Variants in AKAP6 observed in about 807,000 individuals in gnomAD.
AKAP6 encodes A-kinase anchoring protein 6.
A neutral mutation model predicts 188.5 loss-of-function variants in AKAP6; 58 were observed. The observed-to-expected ratio is 0.31, with a 90% CI of 0.25 to 0.38. The LOEUF (loss-of-function observed/expected upper bound fraction) is 0.38. Among genes scored for constraint, AKAP6 ranks in the 10% least tolerant of loss-of-function variants. The pLI, the probability that AKAP6 is intolerant of heterozygous loss-of-function variation, is 1.00. For synonymous variants in AKAP6, 989 were observed against 998.6 expected, an observed-to-expected ratio of 0.99 and a Z score of 0.18; for missense variants, 2,710 against 2,740.0, an observed-to-expected ratio of 0.99 and a Z score of 0.24.
intron 4 of AKAP6, among the ~76,000 whole-genome samples, chr14:32,567,353 C>T (rs1213008952): frequency 6.6e-6 from 1 of 152,156 alleles, no homozygotes; most frequent in Non-Finnish European, 1.5e-5. Context: ...TTCTCCTTTA[C>T]CCCTTTCCAA....
intron 9 of AKAP6, among the ~76,000 whole-genome samples, chr14:32,716,514 A>C (rs1436688089): frequency 6.6e-6 from 1 of 150,384 alleles, no homozygotes; most frequent in South Asian, 2.1e-4. Flanking sequence ...AGTATACACT[A>C]TGTATTTAGT....
chr14:32,653,063 A>T (rs746176105), intron 7 of AKAP6, among the ~76,000 whole-genome samples: 8 of 152,174 alleles, frequency 5.3e-5, no homozygotes, highest in Non-Finnish European at 8.8e-5. Flanking sequence ...AAATAAAATA[A>T]AATAAAAATA....
intron 9 of AKAP6, among the ~76,000 whole-genome samples, chr14:32,725,010 A>AAAAAAAAAC (rs2030787728): frequency 3.3e-5 from 5 of 150,006 alleles, no homozygotes; most frequent in East Asian, 1.9e-4. Context: ...AAAAAAAAAA[A>AAAAAAAAAC]AAAAAAACAA....
At chr14:32,334,951 T>A (rs1243924457) in intron 1 of AKAP6, among the ~76,000 whole-genome samples, 3 of 152,182 alleles carry the variant, frequency 2.0e-5, no homozygotes, top group Admixed American at 2.0e-4. Context: ...CTTTATTTTA[T>A]TTTCAGATTT....
chr14:32,373,856 T>C (rs1346959144), intron 1 of AKAP6, among the ~76,000 whole-genome samples: 2 of 152,212 alleles, frequency 1.3e-5, no homozygotes, highest in African/African-American at 4.8e-5. Context: ...GTCAGTGAAC[T>C]TCTCCTCACA....
chr14:32,735,557 T>G, intron 10 of AKAP6, 101 bp from the exon 11 acceptor site: 2 of 876,532 alleles, frequency 2.3e-6, no homozygotes, highest in Non-Finnish European at 3.4e-6. Context: ...TGTGGTGTGT[T>G]TTTGGTACCT....
At chr14:32,682,728 C>T (rs75233939) in intron 8 of AKAP6, among the ~76,000 whole-genome samples, 50 of 152,160 alleles carry the variant, frequency 3.3e-4, no homozygotes, top group African/African-American at 9.9e-4. Context: ...CCAGCCTGCC[C>T]GACCCTACTG....
intron 9 of AKAP6, among the ~76,000 whole-genome samples, chr14:32,717,236 A>G (rs951430968): frequency 2.6e-5 from 4 of 152,164 alleles, no homozygotes; most frequent in Non-Finnish European, 5.9e-5. Flanking sequence ...AAGCTGTGCT[A>G]AATGGCCACA....
At chr14:32,582,228 G>A (rs1885008165) in intron 5 of AKAP6, among the ~76,000 whole-genome samples, 1 of 152,152 alleles carries the variant, frequency 6.6e-6, no homozygotes. Context: ...TGTCTGTAAA[G>A]TATTTTATTT....
intron 8 of AKAP6, among the ~76,000 whole-genome samples, chr14:32,693,213 T>C (rs1890254366): frequency 6.6e-6 from 1 of 152,148 alleles, no homozygotes; most frequent in Non-Finnish European, 1.5e-5. Flanking sequence ...GTCTAGCTTA[T>C]GTTGTTACCT....
chr14:32,565,438 T>C (rs766806125), intron 4 of AKAP6, among the ~76,000 whole-genome samples: 6 of 152,198 alleles, frequency 3.9e-5, no homozygotes, highest in Non-Finnish European at 5.9e-5. Flanking sequence ...CAAATCCAAT[T>C]AGTCCTGTCC....
chr14:32,528,775 T>A (rs1882259553), intron 2 of AKAP6, among the ~76,000 whole-genome samples: 1 of 152,078 alleles, frequency 6.6e-6, no homozygotes, highest in African/African-American at 2.4e-5. Context: ...CCTCTTGGGT[T>A]CAAGTGATTC....
chr14:32,422,751 C>T (rs933436933), intron 1 of AKAP6, among the ~76,000 whole-genome samples: 3 of 139,528 alleles, frequency 2.2e-5, no homozygotes, highest in African/African-American at 8.2e-5. Flanking sequence ...ATAATTAACT[C>T]AGATATTCCT....
At chr14:32,829,532 A>C (rs1398576076) in intron 13 of AKAP6, among the ~76,000 whole-genome samples, 1 of 152,034 alleles carries the variant, frequency 6.6e-6, no homozygotes, top group Non-Finnish European at 1.5e-5. Context: ...TTCCAAACTG[A>C]GTGCACAGGC....
chr14:32,585,999 G>A (rs1291648908), intron 5 of AKAP6, among the ~76,000 whole-genome samples: 2 of 152,152 alleles, frequency 1.3e-5, no homozygotes, highest in South Asian at 4.1e-4. Flanking sequence ...GTCCGGGTTT[G>A]TTTTAAAACA....
At chr14:32,378,917 CTTTTT>C (rs56131134) in intron 1 of AKAP6, among the ~76,000 whole-genome samples, 12 of 117,734 alleles carry the variant, frequency 1.0e-4, no homozygotes, top group Admixed American at 1.8e-4. Context: ...GTCTTTCTTC[CTTTTT>C]TTTTTTTTTT....
At chr14:32,337,006 T>C (rs1460654757) in intron 1 of AKAP6, among the ~76,000 whole-genome samples, 1 of 152,240 alleles carries the variant, frequency 6.6e-6, no homozygotes, top group Admixed American at 6.5e-5. Flanking sequence ...TAGCTTTTAA[T>C]AGTTAATTCA....
intron 8 of AKAP6, among the ~76,000 whole-genome samples, chr14:32,680,555 T>C (rs1405087605): frequency 1.3e-5 from 2 of 152,316 alleles, no homozygotes; most frequent in Admixed American, 1.3e-4. Context: ...CACATGCATA[T>C]ATCCAATACA....
intron 11 of AKAP6, among the ~76,000 whole-genome samples, chr14:32,767,000 G>T (rs1350548829): frequency 9.2e-5 from 14 of 152,034 alleles, no homozygotes. Context: ...GTGGGATAGG[G>T]GTTCAATTCA....
Sources: allele counts gnomAD v4.1 joint callset (sites outside exome capture counted in the v4.1 genomes callset), GRCh38; gene constraint gnomAD v4.1.1; transcripts MANE v1.5; gene names NCBI Gene and HGNC (gene_info 2026-07-23, HGNC 2026-07-21).